Variants in ATP10B observed in about 807,000 individuals in gnomAD.
ATP10B encodes ATPase phospholipid transporting 10B (putative).
ATP10B carries 122 observed loss-of-function variants against 141.2 expected under a neutral mutation model. The observed-to-expected ratio is 0.86, with a 90% CI of 0.75 to 1.00. ATP10B has a LOEUF of 1.00. Among genes scored for constraint, ATP10B ranks in the 50% least tolerant of loss-of-function variants. The pLI, the probability that ATP10B is intolerant of heterozygous loss-of-function variation, is 0.00. For missense variants in ATP10B, 1,876 were observed against 1,825.3 expected (o/e 1.03, Z -0.51); for synonymous variants, 685 against 692.0 (o/e 0.99, Z 0.16).
At chr5:160,603,865 G>T (rs2127628147) in intron 20 of ATP10B, 100 bp downstream of exon 20, 2 of 963,626 alleles carry the variant, frequency 2.1e-6, no homozygotes, top group East Asian at 2.4e-5. Flanking sequence ...CTTTGGATGT[G>T]GGTGGAAGTT....
At chr5:160,666,546 A>G (rs899850879) in intron 7 of ATP10B, among the ~76,000 whole-genome samples, 29 of 152,208 alleles carry the variant, frequency 1.9e-4, no homozygotes, top group African/African-American at 6.8e-4. Context: ...TGCAGAACAC[A>G]TATTTGAAAG....
intron 1 of ATP10B, among the ~76,000 whole-genome samples, chr5:160,819,433 C>A (rs1773935932): frequency 6.6e-6 from 1 of 152,152 alleles, no homozygotes; most frequent in African/African-American, 2.4e-5. Flanking sequence ...ATTAAAGGGA[C>A]TACTCCCATC....
chr5:160,665,585 G>T (rs1762273811), intron 7 of ATP10B, among the ~76,000 whole-genome samples: 1 of 152,190 alleles, frequency 6.6e-6, no homozygotes, highest in Admixed American at 6.5e-5. Context: ...CAGGACAAAA[G>T]CTTCTTAATT....
chr5:160,708,929 C>A (rs1246348955), intron 3 of ATP10B, among the ~76,000 whole-genome samples: 1 of 152,152 alleles, frequency 6.6e-6, no homozygotes, highest in African/African-American at 2.4e-5. Context: ...TGATAGCAAG[C>A]AGACAAATGA....
chr5:160,636,183 T>C lies in ATP10B; in HGVS notation c.1127A>G (p.Gln376Arg). Residue 376 changes from glutamine (Q) to arginine (R), a missense_variant and splice_region_variant, in exon 11 of 26, where the codon CAG (glutamine) becomes CGG (arginine). Transcript: ENST00000327245. ...YMFLTMIILL[Q>R]VLIPISLYVS... The stretch of plus-strand genomic sequence containing the variant: ...CCCTAGTTAGGGAGGGCTTCCTACC[T>C]GGAGCAGGATGATCATTGTGAGGAA... 6.2e-7 allele frequency: 1 copy of C among 1,602,738 alleles called. No homozygotes were observed. Among genetic ancestry groups the C allele is most frequent in the Non-Finnish European group, 8.5e-7 (1 of 1,174,988 alleles).
At chr5:160,874,254 G>A in the ATP10B span, among the ~76,000 whole-genome samples, 1 of 69,110 alleles carries the variant, frequency 1.4e-5, no homozygotes, top group Non-Finnish European at 4.0e-5. Flanking sequence ...CTAACTGGGA[G>A]GCACCCCCCA....
At chr5:160,604,531 G>A (rs1757272539) in intron 19 of ATP10B, among the ~76,000 whole-genome samples, 1 of 152,192 alleles carries the variant, frequency 6.6e-6, no homozygotes. Flanking sequence ...CAACTGGACA[G>A]TTTGGAGAGT....
At chr5:160,768,632 A>G (rs1476616633) in intron 2 of ATP10B, among the ~76,000 whole-genome samples, 1 of 152,236 alleles carries the variant, frequency 6.6e-6, no homozygotes, top group African/African-American at 2.4e-5. Flanking sequence ...TGGGACACAG[A>G]CATGCAAGAA....
intron 25 of ATP10B, among the ~76,000 whole-genome samples, chr5:160,569,138 G>C (rs1754723854): frequency 6.6e-6 from 1 of 152,162 alleles, no homozygotes; most frequent in Non-Finnish European, 1.5e-5. Flanking sequence ...AGGCATTTGA[G>C]TATAAGATTC....
chr5:160,593,178 A>G (rs1756441138), intron 22 of ATP10B, among the ~76,000 whole-genome samples: 2 of 152,234 alleles, frequency 1.3e-5, no homozygotes, highest in South Asian at 4.1e-4. Flanking sequence ...CAGTAGGCGC[A>G]GACTGACACC....
chr5:160,652,537 T>C (rs1294742060), intron 7 of ATP10B, among the ~76,000 whole-genome samples: 1 of 145,782 alleles, frequency 6.9e-6, no homozygotes, highest in Admixed American at 7.1e-5. Context: ...CAGCTCACTG[T>C]AGCCTCGACT....
rs193065494 is a variant in ATP10B at position 160,709,158 on chromosome 5, T to C, written c.-205+7751A>G. Among the ~76,000 whole-genome samples the C allele has an allele frequency of 5.9e-5, 9 of 152,164 alleles. No individual in the cohort carries two copies. The East Asian group carries it at 1.7e-3, about 29-fold the overall frequency. On this transcript the variant is annotated intron_variant, in intron 3 of 25. Coordinates refer to ENST00000327245, the MANE Select transcript of ATP10B (RefSeq NM_025153.3). ...AGACCTGCCTCATTGAGGGATAGGG[T>C]GAGGATTAAAACAAAATACAAGAGC...
chr5:160,690,994 G>A (rs1419240439), intron 3 of ATP10B, among the ~76,000 whole-genome samples: 1 of 152,134 alleles, frequency 6.6e-6, no homozygotes, highest in African/African-American at 2.4e-5. Context: ...AAGAAAATGT[G>A]GCACATACAT....
At chr5:160,822,632 T>A (rs1014683070) in intron 1 of ATP10B, among the ~76,000 whole-genome samples, 3 of 152,068 alleles carry the variant, frequency 2.0e-5, no homozygotes, top group Non-Finnish European at 4.4e-5. Context: ...AACAGGTGAA[T>A]GGATACAGAA....
intron 25 of ATP10B, among the ~76,000 whole-genome samples, chr5:160,567,639 G>A (rs1453005602): frequency 6.6e-6 from 1 of 152,122 alleles, no homozygotes; most frequent in East Asian, 1.9e-4. Flanking sequence ...CCATGCCAAA[G>A]GGATGAGAAT....
rs1203829348 is a variant in ATP10B, at chr5:160,640,478, C to G, written c.983G>C (p.Cys328Ser). The G allele has an allele frequency of 6.2e-7, 1 of 1,614,068 alleles. No homozygotes were observed. The highest frequency in any genetic ancestry group is 1.1e-5 in the South Asian group (1 of 91,068). ...FFCIGILILM[C>S]LIGAVGHSIW... is the part of the protein sequence containing the mutation. The stretch of plus-strand genomic sequence containing the variant: ...TCCCATACCTACAGCTCCAATAAGG[C>G]ACATGAGGATGAGGATCCCAATGCA... Residue 328 changes from cysteine (C) to serine (S), a missense_variant, in exon 10 of 26, where the codon TGC (cysteine) becomes TCC (serine). Cys to Ser is a moderately radical substitution (Grantham distance 112, BLOSUM62 -1). Coordinates refer to ENST00000327245, the MANE Select transcript of ATP10B (RefSeq NM_025153.3).
chr5:160,808,547 T>C (rs1467194761), intron 1 of ATP10B, among the ~76,000 whole-genome samples: 1 of 152,158 alleles, frequency 6.6e-6, no homozygotes, highest in African/African-American at 2.4e-5. Context: ...TATCATTCCA[T>C]TTAATCAGTT....
intron 1 of ATP10B, among the ~76,000 whole-genome samples, chr5:160,839,886 A>G (rs1775707539): frequency 6.6e-6 from 1 of 152,120 alleles, no homozygotes; most frequent in Non-Finnish European, 1.5e-5. Context: ...GAGGCAAAAG[A>G]TATTTTATAA....
the ATP10B span, among the ~76,000 whole-genome samples, chr5:160,863,945 C>T: frequency 6.6e-6 from 1 of 151,804 alleles, no homozygotes; most frequent in Non-Finnish European, 1.5e-5. Context: ...GAGATTAAAT[C>T]AATAATAAAA....
Sources: allele counts gnomAD v4.1 joint callset (sites outside exome capture counted in the v4.1 genomes callset), GRCh38; gene constraint gnomAD v4.1.1; transcripts MANE v1.5; gene names NCBI Gene and HGNC (gene_info 2026-07-23, HGNC 2026-07-21).